ABCC8: variants seen among roughly 807,000 people sequenced by gnomAD.
ABCC8 encodes the protein ATP-binding cassette sub-family C member 8.
Under a neutral mutation model 188.0 loss-of-function variants are expected in ABCC8, and 137 were observed. That is an observed-to-expected ratio of 0.73 (90% CI 0.63 to 0.84). The LOEUF (loss-of-function observed/expected upper bound fraction) is 0.84. Among genes scored for constraint, ABCC8 ranks in the 40% least tolerant of loss-of-function variants. ABCC8 has a pLI of 0.00. For missense variants in ABCC8, 1,750 were observed against 2,072.7 expected (o/e 0.84, Z 3.02); for synonymous variants, 797 against 846.5 (o/e 0.94, Z 1.01).
chr11:17,448,596 A>C lies in ABCC8; in HGVS notation c.1252T>G (p.Cys418Gly). 6.2e-7 allele frequency: 1 copy of C among 1,614,246 alleles called. No individual in the cohort carries two copies. Among genetic ancestry groups the C allele is most frequent in the Non-Finnish European group, 8.5e-7 (1 of 1,180,040 alleles). ...TTGGTGTCGATGGCAACCAGATTAC[A>C]GATCTGTCCAGCAGTCATTTCTCCC... ...SMGEMTAGQI[C>G]NLVAIDTNQL... Residue 418 changes from cysteine (C) to glycine (G), a missense_variant, in exon 8 of 39, where the codon TGT (cysteine) becomes GGT (glycine). Cys to Gly is a radical substitution (Grantham distance 159). Coordinates refer to ENST00000389817, the MANE Select transcript of ABCC8 (RefSeq NM_000352.6).
chr11:17,400,474 C>T (rs1033813132), intron 29 of ABCC8, among the ~76,000 whole-genome samples: 1 of 152,112 alleles, frequency 6.6e-6, no homozygotes, highest in Admixed American at 6.6e-5. Flanking sequence ...GCCCCAGCCT[C>T]GGAGCCATGT....
Position 17,446,601 on chromosome 11 carries a change from G to C in ABCC8, c.1332+1915C>G, listed in dbSNP as rs143058198. Among the ~76,000 whole-genome samples the C allele has an allele frequency of 4.3e-3, 656 of 152,292 alleles. 1 individual carries two copies. Among genetic ancestry groups the C allele is most frequent in the Middle Eastern group, 0.014 (4 of 294 alleles). ...GCTTAGAAAGTCTTGTGCATAAAAGGTTGGTTGGTAACTAAACTAGATGAG... is the reference window on the plus strand; with the variant it reads ...GCTTAGAAAGTCTTGTGCATAAAAGCTTGGTTGGTAACTAAACTAGATGAG... On this transcript the variant is annotated intron_variant, in intron 8 of 38. Transcript: ENST00000389817.
At chr11:17,421,903 T>C (rs1955362098) in intron 16 of ABCC8, among the ~76,000 whole-genome samples, 1 of 152,212 alleles carries the variant, frequency 6.6e-6, no homozygotes, top group Admixed American at 6.5e-5. Flanking sequence ...TCCTGCCTTG[T>C]GCCTCCTGGA....
rs932826965 is a variant in ABCC8, at chr11:17,448,811, G to C, written c.1177-140C>G. On this transcript the variant is annotated intron_variant, in intron 7 of 38. Coordinates refer to ENST00000389817, the MANE Select transcript of ABCC8 (RefSeq NM_000352.6). Reference sequence around the variant, plus strand: ...TAGAGCAGCTCTGTAAGGTGGTACTGTATCACCGTTCCAACTTACTAGTCT... The same window carrying C: ...TAGAGCAGCTCTGTAAGGTGGTACTCTATCACCGTTCCAACTTACTAGTCT... 5 of 1,375,998 alleles carry C rather than the reference G, an allele frequency of 3.6e-6. No homozygotes were observed. The African/African-American group carries it at 5.7e-5, about 16-fold the overall frequency. The allele number at this position is 1,375,998 out of a possible 1,614,324, so 85.2% of individuals were successfully genotyped here. A position where few individuals can be genotyped will look rare whatever the true frequency, so the allele number is the denominator to read the frequency against.
intron 23 of ABCC8, among the ~76,000 whole-genome samples, chr11:17,407,727 G>A (rs1054339681): frequency 1.3e-5 from 2 of 152,206 alleles, no homozygotes; most frequent in Admixed American, 6.5e-5. Context: ...AGTGGCACGT[G>A]ACCCAGGACA....
At chr11:17,408,791 C>A (rs1251953686) in intron 22 of ABCC8, among the ~76,000 whole-genome samples, 1 of 152,150 alleles carries the variant, frequency 6.6e-6, no homozygotes, top group Non-Finnish European at 1.5e-5. Context: ...TGGTTACTCA[C>A]AAGGACTCCA....
At chr11:17,440,266 C>T (rs373872953) in intron 10 of ABCC8, among the ~76,000 whole-genome samples, 6 of 152,268 alleles carry the variant, frequency 3.9e-5, no homozygotes, top group African/African-American at 1.4e-4. Context: ...GGGAGAAGCC[C>T]TCTCCCACCT....
intron 38 of ABCC8, 80 bp downstream of exon 38, chr11:17,393,617 G>C (rs1375485975): frequency 6.3e-7 from 1 of 1,596,272 alleles, no homozygotes; most frequent in Non-Finnish European, 8.6e-7. Flanking sequence ...GCAAGCCCAG[G>C]GGCTGTGCAC....
intron 20 of ABCC8, 102 bp downstream of exon 20, chr11:17,413,292 T>G: frequency 6.5e-7 from 1 of 1,527,714 alleles, no homozygotes; most frequent in African/African-American, 1.4e-5. Flanking sequence ...CAGCCTTCAA[T>G]GTCTCCTATT....
At chr11:17,459,552 C>T (rs775590274) in intron 6 of ABCC8, among the ~76,000 whole-genome samples, 34 of 152,180 alleles carry the variant, frequency 2.2e-4, no homozygotes, top group African/African-American at 3.1e-4. Flanking sequence ...ACAAATGTTA[C>T]GCAAAGGGTG....
chr11:17,417,269 G>T (rs1226644428), intron 16 of ABCC8, among the ~76,000 whole-genome samples: 1 of 152,152 alleles, frequency 6.6e-6, no homozygotes, highest in African/African-American at 2.4e-5. Context: ...TCCCAGAGAG[G>T]GAAAGTGAGA....
chr11:17,429,511 G>C (rs1324193017), intron 12 of ABCC8: 1 of 152,264 alleles, frequency 6.6e-6, no homozygotes, highest in East Asian at 1.9e-4. Flanking sequence ...CATCTCTTGG[G>C]GTGAAGCTTC....
Position 17,404,448 on chromosome 11 carries a change from C to T in ABCC8, c.3557+64G>A. On this transcript the variant is annotated intron_variant, in intron 28 of 38. Coordinates refer to ENST00000389817, the MANE Select transcript of ABCC8 (RefSeq NM_000352.6). This position sits in a 1 kb window ranked among gnomAD's most constrained non-coding sequence, Gnocchi z 4.7. The stretch of plus-strand genomic sequence containing the variant: ...CCCTATTACTCTCATAACGATGAGT[C>T]TAGCAAGTACACCAAACTGCACATT... The T allele has an allele frequency of 1.3e-6, 2 of 1,506,378 alleles. No homozygotes were observed. Among genetic ancestry groups the T allele is most frequent in the East Asian group, 2.3e-5 (1 of 44,368 alleles). 93.3% of individuals were successfully genotyped at this position (1,506,378 alleles called of 1,614,324 possible).
At position 17,397,768 on chromosome 11, in the gene ABCC8, G is replaced by A. The variant is rs1489516654; in HGVS notation, c.3783C>T (p.Ile1261=). 1.6e-5 allele frequency: 26 copies of A among 1,613,728 alleles called. No homozygotes were observed. The highest frequency in any genetic ancestry group is 3.3e-5 in the South Asian group (3 of 91,092). Residue 1261 remains isoleucine, a synonymous_variant, in exon 31 of 39, where the codon ATC becomes ATT. Transcript: ENST00000389817. ...MEYIGACVVL[I]AAVTSISNSL... The stretch of plus-strand genomic sequence containing the variant: ...AGTTGGAGATGGAGGTCACCGCTGC[G>A]ATGAGCACCACACATGCACCGATGT...
chr11:17,460,786 A>C, intron 5 of ABCC8, 110 bp from the exon 6 acceptor site: 1 of 1,548,112 alleles, frequency 6.5e-7, no homozygotes, highest in Non-Finnish European at 8.7e-7. Flanking sequence ...CCCAGTGGTC[A>C]CATCCTCTGC....
chr11:17,402,972 T>C (rs1415489442), intron 28 of ABCC8, among the ~76,000 whole-genome samples: 1 of 152,234 alleles, frequency 6.6e-6, no homozygotes, highest in African/African-American at 2.4e-5. Context: ...AGACACAGCC[T>C]GATGTGGGGC....
intron 6 of ABCC8, among the ~76,000 whole-genome samples, chr11:17,459,763 GAAGTGGATGCT>G (rs1957118067): frequency 6.6e-6 from 1 of 152,174 alleles, no homozygotes; most frequent in African/African-American, 2.4e-5. Context: ...CCCAGCCCCC[GAAGTGGATGCT>G]ACGGCCCCAC....
chr11:17,442,975 C>A (rs139739986), intron 9 of ABCC8, 93 bp from the exon 10 acceptor site: 2 of 1,597,438 alleles, frequency 1.3e-6, no homozygotes, highest in African/African-American at 1.3e-5. Context: ...CTGCCATGCC[C>A]GCCTCCTGTC....
At position 17,460,509 on chromosome 11, in the gene ABCC8, C is replaced by T. The variant is rs45522932; in HGVS notation, c.990G>A (p.Glu330=). The stretch of plus-strand genomic sequence containing the variant: ...CTACCTTGGGCTGGAAGACGTCGTT[C>T]TCCTTCCCAAGGTGGTCCACGATCC... ...IFGIVDHLGK[E]NDVFQPKTQF... is the part of the protein sequence containing the mutation. The change falls in exon 6 of 39, where the codon GAG becomes GAA. Residue 330 remains glutamate (E), a synonymous_variant. Coordinates refer to ENST00000389817, the MANE Select transcript of ABCC8 (RefSeq NM_000352.6). The T allele has an allele frequency of 1.2e-5, 20 of 1,614,176 alleles. No individual in the cohort carries two copies. The highest frequency in any genetic ancestry group is 1.7e-5 in the Non-Finnish European group (20 of 1,180,034).
Sources: allele counts gnomAD v4.1 joint callset (sites outside exome capture counted in the v4.1 genomes callset), GRCh38; gene constraint gnomAD v4.1.1; non-coding constraint Gnocchi (gnomAD v3.1); transcripts MANE v1.5; gene names NCBI Gene and HGNC (gene_info 2026-07-23, HGNC 2026-07-21).